Variants in CCBE1 observed in about 807,000 individuals in gnomAD.
CCBE1 encodes the protein collagen and calcium-binding EGF domain-containing protein 1.
A neutral mutation model predicts 50.0 loss-of-function variants in CCBE1; 37 were observed. The observed-to-expected ratio is 0.74, with a 90% CI of 0.57 to 0.97. CCBE1 has a LOEUF of 0.97. CCBE1 is among the 50% of genes least tolerant of loss of function. The probability of loss-of-function intolerance (pLI) is 0.00; values close to 1 mark genes in which losing one functional copy is unlikely to be tolerated. For missense variants in CCBE1, 538 were observed against 523.8 expected, an observed-to-expected ratio of 1.03 and a Z score of -0.26; for synonymous variants, 234 against 203.7, an observed-to-expected ratio of 1.15 and a Z score of -1.27.
intron 2 of CCBE1, among the ~76,000 whole-genome samples, chr18:59,604,062 C>G (rs2053464842): frequency 6.6e-6 from 1 of 152,142 alleles, no homozygotes; most frequent in African/African-American, 2.4e-5. Context: ...TGTTGTTTCT[C>G]TCTGGTACTT....
At chr18:59,549,160 A>G (rs1159340532) in intron 2 of CCBE1, among the ~76,000 whole-genome samples, 2 of 151,850 alleles carry the variant, frequency 1.3e-5, no homozygotes, top group Non-Finnish European at 2.9e-5. Flanking sequence ...TCACTTGGAT[A>G]TATAGACCAC....
At chr18:59,548,154 C>T (rs1568199950) in intron 2 of CCBE1, among the ~76,000 whole-genome samples, 2 of 152,164 alleles carry the variant, frequency 1.3e-5, no homozygotes, top group Non-Finnish European at 2.9e-5. Flanking sequence ...ATGAGTAAGA[C>T]AACTGAGGTC....
intron 2 of CCBE1, among the ~76,000 whole-genome samples, chr18:59,609,048 T>C (rs1339526113): frequency 6.6e-6 from 1 of 152,220 alleles, no homozygotes; most frequent in Non-Finnish European, 1.5e-5. Flanking sequence ...CATATGTGCA[T>C]CTGTTGACCA....
intron 2 of CCBE1, among the ~76,000 whole-genome samples, chr18:59,570,287 T>G (rs2052890610): frequency 6.6e-6 from 1 of 152,068 alleles, no homozygotes; most frequent in African/African-American, 2.4e-5. Flanking sequence ...AATAAGGTGG[T>G]GCTGGGGAAC....
At chr18:59,695,609 G>A (rs1369077562) in intron 2 of CCBE1, among the ~76,000 whole-genome samples, 1 of 152,200 alleles carries the variant, frequency 6.6e-6, no homozygotes, top group Non-Finnish European at 1.5e-5. Flanking sequence ...GAACCTTTGG[G>A]TATATGAAAT....
intron 2 of CCBE1, among the ~76,000 whole-genome samples, chr18:59,621,194 T>C (rs1307751398): frequency 6.6e-6 from 1 of 152,206 alleles, no homozygotes; most frequent in East Asian, 1.9e-4. Context: ...CACCCAGCTC[T>C]GAAAGAAACA....
At chr18:59,624,079 A>G (rs184038239) in intron 2 of CCBE1, among the ~76,000 whole-genome samples, 117 of 152,334 alleles carry the variant, frequency 7.7e-4, no homozygotes, top group Admixed American at 5.2e-3. Flanking sequence ...TGCCTGGGCC[A>G]TGGCTGAGGT....
In CCBE1 at chr18:59,519,991, G is replaced by A. The variant is rs185949626; in HGVS notation, c.213-39753C>T. ...AAAGATCGGATGGTTGTAGATGTGTGGTGTTATTTCTGAGGCCTCTGCTCT... is the reference window on the plus strand; with the variant it reads ...AAAGATCGGATGGTTGTAGATGTGTAGTGTTATTTCTGAGGCCTCTGCTCT... On this transcript the variant is annotated intron_variant, in intron 2 of 10. Coordinates refer to ENST00000439986, the MANE Select transcript of CCBE1 (RefSeq NM_133459.4). Among the ~76,000 whole-genome samples, 649 of 152,168 alleles carry A rather than the reference G, an allele frequency of 4.3e-3. 6 individuals are homozygous for A. The highest frequency in any genetic ancestry group is 0.024 in the South Asian group (116 of 4,814).
chr18:59,685,092 A>T (rs1192219817), intron 2 of CCBE1, among the ~76,000 whole-genome samples: 3 of 152,220 alleles, frequency 2.0e-5, no homozygotes, highest in Non-Finnish European at 4.4e-5. Context: ...AGCCATGTTT[A>T]TATCTTGGGA....
intron 2 of CCBE1, among the ~76,000 whole-genome samples, chr18:59,661,794 C>A (rs1179460333): frequency 6.6e-6 from 1 of 152,032 alleles, no homozygotes; most frequent in Non-Finnish European, 1.5e-5. Flanking sequence ...ATGGTGAAAC[C>A]CTGTCTCTAC....
At chr18:59,539,478 C>T (rs987054034) in intron 2 of CCBE1, among the ~76,000 whole-genome samples, 4 of 152,198 alleles carry the variant, frequency 2.6e-5, no homozygotes, top group Admixed American at 2.0e-4. Context: ...TGATTGTAGC[C>T]TATGAGGGAC....
chr18:59,542,035 G>A (rs949263898), intron 2 of CCBE1, among the ~76,000 whole-genome samples: 1 of 151,918 alleles, frequency 6.6e-6, no homozygotes, highest in African/African-American at 2.4e-5. Flanking sequence ...AATTAGCCGG[G>A]TATGGTAGCA....
At chr18:59,530,862 G>A (rs375917307) in intron 2 of CCBE1, among the ~76,000 whole-genome samples, 9 of 152,080 alleles carry the variant, frequency 5.9e-5, no homozygotes, top group African/African-American at 1.9e-4. Flanking sequence ...GAAAGCTATC[G>A]TCTTCAACAA....
intron 2 of CCBE1, among the ~76,000 whole-genome samples, chr18:59,616,148 A>G (rs1405188944): frequency 1.3e-5 from 2 of 152,160 alleles, no homozygotes; most frequent in Non-Finnish European, 2.9e-5. Flanking sequence ...AACCCTCCAG[A>G]GCTGCAGAGT....
rs76602799 is a variant in CCBE1, at chr18:59,473,748, C to A, written c.266-4141G>T. Reference sequence around the variant, plus strand: ...CCAACCCTCCCACTATTTCCTCCCCCACTACTCACCTTCCAACCTTCCCAC... The same window carrying A: ...CCAACCCTCCCACTATTTCCTCCCCAACTACTCACCTTCCAACCTTCCCAC... On this transcript the variant is annotated intron_variant, in intron 3 of 10. Transcript: ENST00000439986. Among the ~76,000 whole-genome samples, 44 of 26,730 alleles carry A rather than the reference C, an allele frequency of 1.6e-3. No homozygotes were observed. In the South Asian group the frequency reaches 0.044, roughly 27 times the overall value. The allele number at this position is 26,730 out of a possible 152,430, so 17.5% of individuals were successfully genotyped here.
At chr18:59,634,876 C>T (rs1165013268) in intron 2 of CCBE1, among the ~76,000 whole-genome samples, 3 of 151,838 alleles carry the variant, frequency 2.0e-5, no homozygotes, top group Non-Finnish European at 4.4e-5. Context: ...CAGTACACAG[C>T]ACAAAGAGGA....
chr18:59,492,550 C>T (rs1289640092), intron 2 of CCBE1, among the ~76,000 whole-genome samples: 1 of 152,170 alleles, frequency 6.6e-6, no homozygotes, highest in Non-Finnish European at 1.5e-5. Flanking sequence ...CCTTCTCCTT[C>T]CCATGAGTGT....
At chr18:59,663,213 T>TA (rs1390165475) in intron 2 of CCBE1, among the ~76,000 whole-genome samples, 5 of 152,162 alleles carry the variant, frequency 3.3e-5, no homozygotes, top group African/African-American at 1.2e-4. Context: ...CAAGCTTTCA[T>TA]AAAAGCAATG....
At chr18:59,558,367 A>G (rs1266742114) in intron 2 of CCBE1, among the ~76,000 whole-genome samples, 2 of 152,228 alleles carry the variant, frequency 1.3e-5, no homozygotes, top group Non-Finnish European at 2.9e-5. Flanking sequence ...CTAGATTATG[A>G]GAGCTTTCAG....
Sources: allele counts gnomAD v4.1 joint callset (sites outside exome capture counted in the v4.1 genomes callset), GRCh38; gene constraint gnomAD v4.1.1; transcripts MANE v1.5; gene names NCBI Gene and HGNC (gene_info 2026-07-23, HGNC 2026-07-21).